NFATC1: variants seen among roughly 807,000 people sequenced by gnomAD.
NFATC1 encodes the protein nuclear factor of activated T cells 1.
Under a neutral mutation model 76.0 loss-of-function variants are expected in NFATC1, and 22 were observed. The ratio of observed to expected loss-of-function variants is 0.29; its 90% CI spans 0.21 to 0.41. The LOEUF is 0.41. NFATC1 is among the 10% of genes least tolerant of loss of function. The pLI is 1.00. For missense variants in NFATC1, 1,357 were observed against 1,337.7 expected, an observed-to-expected ratio of 1.01 and a Z score of -0.23; for synonymous variants, 704 against 613.1, an observed-to-expected ratio of 1.15 and a Z score of -2.19.
intron 9 of NFATC1, among the ~76,000 whole-genome samples, chr18:79,508,735 A>G (rs111971103): frequency 0.065 from 9,409 of 145,656 alleles, 404 homozygotes; most frequent in Admixed American, 0.099. Flanking sequence ...CCCTCTCTCC[A>G]TCCATCTCTC....
chr18:79,444,532 C>T (rs953839502), intron 3 of NFATC1, among the ~76,000 whole-genome samples: 1 of 152,188 alleles, frequency 6.6e-6, no homozygotes, highest in Non-Finnish European at 1.5e-5. Flanking sequence ...GGCCCTTTCC[C>T]GCATCTGAAG....
At position 79,410,998 on chromosome 18, in the gene NFATC1, G is replaced by A. The variant is rs61731548; in HGVS notation, c.723G>A (p.Ser241=). 7.2e-4 allele frequency: 1,159 copies of A among 1,608,666 alleles called. 9 individuals are homozygous for A. In the African/African-American group the frequency reaches 0.013, roughly 17 times the overall value. Residue 241 remains serine, a synonymous_variant, in exon 2 of 10, where the codon TCG becomes TCA. Transcript: ENST00000427363. This position sits in a 1 kb window ranked among gnomAD's most constrained non-coding sequence, Gnocchi z 6.7. Reference sequence around the variant, plus strand: ...CCCCGCGGCACTCCCCCTCCACCTCGCCCCGCGCCAGCGTCACTGAGGAGA... The same window carrying A: ...CCCCGCGGCACTCCCCCTCCACCTCACCCCGCGCCAGCGTCACTGAGGAGA... ...LGSPRHSPST[S]PRASVTEESW...
chr18:79,449,630 GC>G (rs1338609810), intron 4 of NFATC1, among the ~76,000 whole-genome samples: 9 of 152,212 alleles, frequency 5.9e-5, no homozygotes, highest in Admixed American at 4.6e-4. Context: ...TGCAGGTTGA[GC>G]TGGGACGGCT....
intron 2 of NFATC1, 43 bp downstream of exon 2, chr18:79,411,544 C>G (rs1258963339): frequency 9.9e-6 from 13 of 1,313,062 alleles, no homozygotes; most frequent in Non-Finnish European, 1.3e-5. Flanking sequence ...CGAGGGGAGG[C>G]GCGGGGCGGG....
chr18:79,496,526 C>T (rs1235390916), intron 9 of NFATC1: 1 of 152,284 alleles, frequency 6.6e-6, no homozygotes, highest in Non-Finnish European at 1.5e-5. Context: ...TCCCTGAGCT[C>T]GAGCACGGGC....
chr18:79,486,709 C>T lies in NFATC1; in HGVS notation c.2554C>T (p.Pro852Ser). The change falls in exon 9 of 10, where the codon CCG becomes TCG. Residue 852 changes from proline (P) to serine (S), a missense_variant. Pro to Ser is a moderately conservative substitution (Grantham distance 74). Transcript: ENST00000427363. The stretch of plus-strand genomic sequence containing the variant: ...CCCCAGCAGCCCCTCTCCTCCACTC[C>T]CGCCTGCCACCCAAGAGCCGACCTG... ...LCPSSPSPPL[P>S]PATQEPTCLQ... The T allele has an allele frequency of 6.3e-7, 1 of 1,598,080 alleles. No homozygotes were observed. Among genetic ancestry groups the T allele is most frequent in the Non-Finnish European group, 8.5e-7 (1 of 1,174,942 alleles).
chr18:79,505,527 G>A (rs1600949978), intron 9 of NFATC1, among the ~76,000 whole-genome samples: 1 of 45,154 alleles, frequency 2.2e-5, no homozygotes, highest in Admixed American at 1.7e-4. Context: ...GGAGGAGGTG[G>A]TGCTGGAGGC....
chr18:79,407,030 G>GT (rs1306384452), intron 1 of NFATC1, among the ~76,000 whole-genome samples: 3 of 152,254 alleles, frequency 2.0e-5, no homozygotes, highest in Admixed American at 6.5e-5. Context: ...AGGGGCCACC[G>GT]TGACGCCCAG....
chr18:79,411,446 C>T lies in NFATC1; in HGVS notation c.1171C>T (p.Gln391Ter). The T allele has an allele frequency of 6.6e-7, 1 of 1,522,460 alleles. No homozygotes were observed. Among genetic ancestry groups the T allele is most frequent in the Non-Finnish European group, 8.8e-7 (1 of 1,138,494 alleles). The allele number at this position is 1,522,460 out of a possible 1,614,324, so 94.3% of individuals were successfully genotyped here. Residue 391 changes from glutamine to a stop codon, truncating the protein, a stop_gained, in exon 2 of 10, where the codon CAG becomes TAG. Coordinates refer to ENST00000427363, the MANE Select transcript of NFATC1 (RefSeq NM_001278669.2). LOFTEE classifies it high-confidence loss of function. ...GFCDQYLAVP[Q>*]HPYQWAKPKP... is the part of the protein sequence containing the mutation. ...CTGCGACCAGTACCTGGCGGTGCCG[C>T]AGCACCCCTACCAGTGGGCGAAGCC...
At chr18:79,464,315 G>C (rs952565813) in intron 7 of NFATC1, among the ~76,000 whole-genome samples, 1 of 151,938 alleles carries the variant, frequency 6.6e-6, no homozygotes, top group Non-Finnish European at 1.5e-5. Context: ...GGCTGGTCTT[G>C]AACTCCTGAC....
chr18:79,424,871 A>C (rs1344473084), intron 2 of NFATC1, among the ~76,000 whole-genome samples: 157 of 84,378 alleles, frequency 1.9e-3, no homozygotes, highest in African/African-American at 2.0e-3. Context: ...CTGTCTCTCC[A>C]TCTCTGTCTC....
At chr18:79,496,241 T>A (rs2089883419) in intron 9 of NFATC1, 2 of 152,630 alleles carry the variant, frequency 1.3e-5, no homozygotes, top group Admixed American at 1.3e-4. Flanking sequence ...TGTAGACATT[T>A]CAAAGAGCTT....
intron 7 of NFATC1, among the ~76,000 whole-genome samples, chr18:79,464,676 G>A (rs59235119): frequency 0.16 from 18,537 of 117,452 alleles, 2,568 homozygotes; most frequent in African/African-American, 0.24. Flanking sequence ...GTGTGTATAT[G>A]TATGTGTATA....
At chr18:79,459,361 T>C (rs1815061054) in intron 6 of NFATC1, among the ~76,000 whole-genome samples, 1 of 152,162 alleles carries the variant, frequency 6.6e-6, no homozygotes, top group Non-Finnish European at 1.5e-5. Flanking sequence ...GACTCACCGC[T>C]GCGGGGCAGC....
chr18:79,523,292 G>A (rs903526431), intron 9 of NFATC1, among the ~76,000 whole-genome samples: 2 of 152,174 alleles, frequency 1.3e-5, no homozygotes, highest in African/African-American at 4.8e-5. Flanking sequence ...ATATCAAACA[G>A]CGTTCAGGCC....
chr18:79,396,658 C>A (rs1381545776), intron 1 of NFATC1, among the ~76,000 whole-genome samples: 5 of 152,282 alleles, frequency 3.3e-5, no homozygotes, highest in African/African-American at 1.2e-4. Flanking sequence ...TGGGGACGGG[C>A]GAGGCTGGGC....
chr18:79,441,231 C>G (rs1481285850), intron 3 of NFATC1, among the ~76,000 whole-genome samples: 1 of 152,224 alleles, frequency 6.6e-6, no homozygotes, highest in Non-Finnish European at 1.5e-5. Context: ...GGTGCGGGCC[C>G]TGAAGGAGGG....
At chr18:79,502,742 T>C (rs1168132314) in intron 9 of NFATC1, among the ~76,000 whole-genome samples, 1 of 152,232 alleles carries the variant, frequency 6.6e-6, no homozygotes, top group Non-Finnish European at 1.5e-5. Context: ...TCACTAGTTA[T>C]TAGGGAATGC....
chr18:79,456,171 C>T (rs1268526644), intron 6 of NFATC1, among the ~76,000 whole-genome samples: 3 of 152,154 alleles, frequency 2.0e-5, no homozygotes, highest in Non-Finnish European at 4.4e-5. Flanking sequence ...GGACACGGAA[C>T]TGTCACGGAA....
Sources: allele counts gnomAD v4.1 joint callset (sites outside exome capture counted in the v4.1 genomes callset), GRCh38; gene constraint gnomAD v4.1.1; non-coding constraint Gnocchi (gnomAD v3.1); transcripts MANE v1.5; gene names NCBI Gene and HGNC (gene_info 2026-07-23, HGNC 2026-07-21).